TEX10: variants seen among roughly 807,000 people sequenced by gnomAD.
TEX10 encodes the protein testis expressed 10, also known as testis-expressed protein 10.
A neutral mutation model predicts 104.4 loss-of-function variants in TEX10; 24 were observed. The observed-to-expected ratio is 0.23, with a 90% CI of 0.17 to 0.32. The LOEUF is 0.32. Ranked by LOEUF, TEX10 falls within the 10% of genes least tolerant of loss-of-function variation. The pLI, the probability that TEX10 is intolerant of heterozygous loss-of-function variation, is 1.00. For synonymous variants in TEX10, 396 were observed against 393.4 expected, an observed-to-expected ratio of 1.01 and a Z score of -0.08; for missense variants, 921 against 1,083.9, an observed-to-expected ratio of 0.85 and a Z score of 2.11.
At chr9:100,328,097 C>T (rs570535379) in intron 7 of TEX10, 135 bp from the exon 8 acceptor site, 572 of 637,186 alleles carry the variant, frequency 9.0e-4, no homozygotes, top group Non-Finnish European at 1.3e-3. Context: ...CACATTTATT[C>T]ATTTAAACAT....
chr9:100,322,862 T>C (rs10760724), intron 9 of TEX10, among the ~76,000 whole-genome samples: 90,561 of 151,932 alleles, frequency 0.6, 28,267 homozygotes, highest in East Asian at 0.89. Context: ...GTGATCCACC[T>C]GCCTCGGTCT....
Position 100,349,210 on chromosome 9 carries a change from T to C in TEX10, c.154A>G (p.Thr52Ala), listed in dbSNP as rs1835378013. Residue 52 changes from threonine (T) to alanine (A), a missense_variant, in exon 2 of 15, where the codon ACA becomes GCA. Physicochemically the swap from Thr to Ala is moderately conservative, Grantham distance 58. This residue lies in a region of TEX10 where 118 missense variants were observed against 111.3 expected (regional missense o/e 1.06). Transcript: ENST00000374902. ...TTTATGTTAAGTTTTCTATTGTTTG[T>C]TGGAAGTGTTCCATCCTCTTTGAGT... ...EQLKEDGTLPTNNRKLNIKDL... is the reference protein window; with the variant it reads ...EQLKEDGTLPANNRKLNIKDL... 6.4e-7 allele frequency: 1 copy of C among 1,552,182 alleles called. No individual in the cohort carries two copies. The highest frequency in any genetic ancestry group is 8.6e-7 in the Non-Finnish European group (1 of 1,157,796).
chr9:100,340,466 C>T, intron 4 of TEX10, 97 bp from the exon 5 acceptor site: 9 of 688,226 alleles, frequency 1.3e-5, no homozygotes, highest in Non-Finnish European at 2.2e-5. Context: ...ATAAATGTCC[C>T]ATCATAATTC....
chr9:100,352,619 C>T (rs1587750142), intron 1 of TEX10, 153 bp downstream of exon 1: 5 of 1,472,454 alleles, frequency 3.4e-6, no homozygotes, highest in Non-Finnish European at 4.5e-6. Flanking sequence ...CACCCAGGCC[C>T]AGCTCGGAGG....
At chr9:100,339,378 A>ATATT (rs1835114451) in intron 5 of TEX10, among the ~76,000 whole-genome samples, 2 of 86,672 alleles carry the variant, frequency 2.3e-5, no homozygotes, top group African/African-American at 1.1e-4. Context: ...ATATTTATAT[A>ATATT]TATTTATAAA....
intron 11 of TEX10, among the ~76,000 whole-genome samples, 178 bp downstream of exon 11, chr9:100,320,087 G>A (rs1031833517): frequency 6.6e-6 from 1 of 152,062 alleles, no homozygotes; most frequent in Non-Finnish European, 1.5e-5. Context: ...TGTTCTAGTG[G>A]CACAATTTAT....
intron 5 of TEX10, among the ~76,000 whole-genome samples, chr9:100,331,481 TATCTC>T (rs1442783024): frequency 1.3e-5 from 2 of 152,126 alleles, no homozygotes; most frequent in African/African-American, 2.4e-5. Context: ...AAGCCATAAA[TATCTC>T]AAGCCAATCA....
intron 10 of TEX10, 115 bp downstream of exon 10, chr9:100,321,568 G>C (rs1834573719): frequency 6.4e-6 from 5 of 780,490 alleles, no homozygotes; most frequent in Non-Finnish European, 2.0e-6. Context: ...CTCCAAGATA[G>C]AATATTTATC....
Position 100,329,161 on chromosome 9 carries a change from T to C in TEX10, c.1604A>G (p.Glu535Gly). The C allele has an allele frequency of 6.2e-7, 1 of 1,605,450 alleles. No homozygotes were observed. Among genetic ancestry groups the C allele is most frequent in the Non-Finnish European group, 8.5e-7 (1 of 1,178,196 alleles). ...TTACCTGAATCTACAAGATCTCAGT[T>C]CTTCTGTCTGATAGATTTTACTGAA... ...KFFSKIYQTEELRSCRFRYRS... is the reference protein window; with the variant it reads ...KFFSKIYQTEGLRSCRFRYRS... Residue 535 changes from glutamate to glycine, a missense_variant, in exon 7 of 15, where the codon GAA becomes GGA. By Grantham distance (98) the Glu-to-Gly change is moderately conservative. Transcript: ENST00000374902.
At chr9:100,303,532 G>C in intron 14 of TEX10, 100 bp downstream of exon 14, 1 of 1,288,218 alleles carries the variant, frequency 7.8e-7, no homozygotes, top group Non-Finnish European at 1.1e-6. Context: ...CTCAATGTAT[G>C]GGATCCCTTT....
intron 9 of TEX10, among the ~76,000 whole-genome samples, chr9:100,324,793 G>C (rs566268738): frequency 1.3e-5 from 2 of 152,262 alleles, no homozygotes; most frequent in African/African-American, 4.8e-5. Context: ...CTAAGGAACA[G>C]AGTGCCCTCT....
At chr9:100,335,621 G>C (rs1402996091) in intron 5 of TEX10, among the ~76,000 whole-genome samples, 1 of 151,948 alleles carries the variant, frequency 6.6e-6, no homozygotes, top group Non-Finnish European at 1.5e-5. Flanking sequence ...ATGTCTACTA[G>C]TATAGTTTGG....
chr9:100,312,983 A>C (rs1834316450), intron 11 of TEX10, among the ~76,000 whole-genome samples: 1 of 152,192 alleles, frequency 6.6e-6, no homozygotes, highest in Non-Finnish European at 1.5e-5. Flanking sequence ...AAGAACATGA[A>C]GGTAATTCAA....
rs758530054 is a variant in TEX10 at position 100,327,942 on chromosome 9, G to C, written c.1646C>G (p.Ser549Cys). 1 of 1,583,482 alleles carries C rather than the reference G, an allele frequency of 6.3e-7. No homozygotes were observed. Among genetic ancestry groups the C allele is most frequent in the Non-Finnish European group, 8.6e-7 (1 of 1,160,338 alleles). Residue 549 changes from serine to cysteine, a missense_variant, in exon 8 of 15, where the codon TCC becomes TGC. Ser to Cys is a moderately radical substitution (Grantham distance 112). This residue lies in a region of TEX10 where 753 missense variants were observed against 868.4 expected (regional missense o/e 0.87). Transcript: ENST00000374902. The stretch of plus-strand genomic sequence containing the variant: ...CAATGGTAAGCCAGCCAGCCAACGG[G>C]ATAACACTTTACTACGATATCTTAG... Reference protein sequence around the residue: ...CRFRYRSKVLSRWLAGLPLQL... With the variant: ...CRFRYRSKVLCRWLAGLPLQL...
At position 100,327,900 on chromosome 9, in the gene TEX10, C is replaced by A; in HGVS notation, c.1688G>T (p.Gly563Val). ...TGTAGAGAGCTCAGGATTTCGGGAG[C>A]CAAGATGAGCAAGTTGCAATGGTAA... ...AGLPLQLAHL[G>V]SRNPELSTQL... Residue 563 changes from glycine (G) to valine (V), a missense_variant, in exon 8 of 15, where the codon GGC becomes GTC. Physicochemically the swap from Gly to Val is moderately radical, Grantham distance 109 (BLOSUM62 -3). Coordinates refer to ENST00000374902, the MANE Select transcript of TEX10 (RefSeq NM_017746.4). The A allele has an allele frequency of 6.3e-7, 1 of 1,599,756 alleles. No homozygotes were observed. Among genetic ancestry groups the A allele is most frequent in the South Asian group, 1.1e-5 (1 of 88,604 alleles).
intron 5 of TEX10, among the ~76,000 whole-genome samples, chr9:100,338,395 C>G (rs1228731469): frequency 6.6e-6 from 1 of 152,182 alleles, no homozygotes; most frequent in Non-Finnish European, 1.5e-5. Context: ...TTCTTGCTCT[C>G]AGCTAAAGAT....
intron 5 of TEX10, among the ~76,000 whole-genome samples, chr9:100,333,465 G>C (rs1365504571): frequency 1.3e-5 from 2 of 151,982 alleles, no homozygotes; most frequent in Non-Finnish European, 2.9e-5. Context: ...AAATGATTCT[G>C]AAGTCTATAT....
At chr9:100,328,361 CA>C (rs1834762127) in intron 7 of TEX10, among the ~76,000 whole-genome samples, 1 of 152,154 alleles carries the variant, frequency 6.6e-6, no homozygotes, top group Admixed American at 6.5e-5. Context: ...TCTTGAATAA[CA>C]GTGAACATTT....
At chr9:100,320,199 G>C (rs1004023238) in intron 11 of TEX10, 66 bp downstream of exon 11, 6 of 1,440,494 alleles carry the variant, frequency 4.2e-6, no homozygotes, top group Non-Finnish European at 4.7e-6. Context: ...CTCATATATA[G>C]TAACTATTAC....
Sources: allele counts gnomAD v4.1 joint callset (sites outside exome capture counted in the v4.1 genomes callset), GRCh38; gene constraint gnomAD v4.1.1; regional missense constraint gnomAD v4.1.1; transcripts MANE v1.5; gene names NCBI Gene and HGNC (gene_info 2026-07-23, HGNC 2026-07-21).